The following MELK variants were observed in gnomAD, a reference collection of about 807,000 sequenced individuals.
MELK encodes the protein pEg3 kinase.
In MELK, 81 loss-of-function variants were observed where a neutral mutation model predicts 85.0. That is an observed-to-expected ratio of 0.95 (90% CI 0.80 to 1.15). MELK has a LOEUF of 1.15. MELK is among the 50% of genes most tolerant of loss of function. The pLI, the probability that MELK is intolerant of heterozygous loss-of-function variation, is 0.00. For missense variants in MELK, 754 were observed against 777.5 expected (o/e 0.97, Z 0.36); for synonymous variants, 252 against 265.0 (o/e 0.95, Z 0.48).
chr9:36,616,208 G>T (rs1247051948), intron 8 of MELK, among the ~76,000 whole-genome samples: 1 of 152,100 alleles, frequency 6.6e-6, no homozygotes, highest in Non-Finnish European at 1.5e-5. Context: ...GTATATACAG[G>T]TCTATGAATT....
intron 10 of MELK, 42 bp downstream of exon 10, chr9:36,633,242 T>C: frequency 2.1e-6 from 3 of 1,409,884 alleles, no homozygotes; most frequent in Non-Finnish European, 3.0e-6. Flanking sequence ...TTTGACTTTG[T>C]GTGGTCTTTG....
intron 8 of MELK, among the ~76,000 whole-genome samples, chr9:36,615,201 AC>A (rs1348157854): frequency 3.0e-4 from 31 of 104,916 alleles, no homozygotes; most frequent in African/African-American, 9.4e-4. Context: ...CGGGGGGCTG[AC>A]CCCCCCACCT....
chr9:36,589,700 A>G lies in MELK; in HGVS notation c.261+48A>G, dbSNP rs772509901. 3.2e-5 allele frequency: 42 copies of G among 1,330,698 alleles called. No individual in the cohort carries two copies. The South Asian group carries it at 4.7e-4, about 15-fold the overall frequency. 82.4% of individuals were successfully genotyped at this position (1,330,698 alleles called of 1,614,324 possible). ...CTGAAAACATTTGATCACTTTATCAATAGTAAAAGAGAAAAGTACATTTCA... is the reference window on the plus strand; with the variant it reads ...CTGAAAACATTTGATCACTTTATCAGTAGTAAAAGAGAAAAGTACATTTCA... On this transcript the variant is annotated intron_variant, in intron 4 of 17. Transcript: ENST00000298048.
chr9:36,655,056 A>C (rs773334316), intron 12 of MELK, among the ~76,000 whole-genome samples: 1 of 152,232 alleles, frequency 6.6e-6, no homozygotes, highest in Admixed American at 6.5e-5. Context: ...ACAGCAGTAC[A>C]GACTGATCCA....
At chr9:36,590,700 T>C (rs1368324682) in intron 4 of MELK, among the ~76,000 whole-genome samples, 2 of 152,230 alleles carry the variant, frequency 1.3e-5, no homozygotes, top group Non-Finnish European at 2.9e-5. Flanking sequence ...ATTCAACTTC[T>C]TTAGTTTTCG....
intron 10 of MELK, among the ~76,000 whole-genome samples, chr9:36,640,290 TAAAG>T (rs1354238007): frequency 6.6e-6 from 1 of 151,640 alleles, no homozygotes; most frequent in Non-Finnish European, 1.5e-5. Flanking sequence ...AGAGTAAAAA[TAAAG>T]AAAAAAAAGA....
chr9:36,629,033 A>T (rs1307798248), intron 8 of MELK, among the ~76,000 whole-genome samples: 1 of 151,286 alleles, frequency 6.6e-6, no homozygotes, highest in Non-Finnish European at 1.5e-5. Context: ...TGCCCAGCTA[A>T]TTTTTGTATT....
chr9:36,630,497 T>C (rs1200566915), intron 9 of MELK, 130 bp downstream of exon 9: 1 of 677,640 alleles, frequency 1.5e-6, no homozygotes, highest in South Asian at 1.9e-5. Context: ...GAAAATATCC[T>C]CTATTAGATC....
At chr9:36,589,438 T>A (rs553604871) in intron 3 of MELK, 98 bp from the exon 4 acceptor site, 5 of 954,162 alleles carry the variant, frequency 5.2e-6, no homozygotes, top group Admixed American at 1.8e-5. Context: ...TGAGCCACCG[T>A]GCCCGGCCAG....
intron 13 of MELK, among the ~76,000 whole-genome samples, chr9:36,664,650 T>G (rs909357861): frequency 1.3e-5 from 2 of 152,236 alleles, no homozygotes; most frequent in Admixed American, 1.3e-4. Context: ...CTATTCCCTT[T>G]GAAGAGCAGA....
chr9:36,580,041 T>C (rs58113416), intron 1 of MELK, among the ~76,000 whole-genome samples: 25 of 125,946 alleles, frequency 2.0e-4, no homozygotes, highest in African/African-American at 6.0e-4. Flanking sequence ...ATGTCTTCTT[T>C]TTTTTTTTTT....
intron 10 of MELK, among the ~76,000 whole-genome samples, chr9:36,634,945 CAAAAGA>C (rs563574877): frequency 5.3e-5 from 8 of 151,766 alleles, no homozygotes; most frequent in African/African-American, 9.7e-5. Context: ...GACTCCATCT[CAAAAGA>C]AAAAGAAAAA....
chr9:36,641,737 A>C (rs1231280379), intron 10 of MELK, among the ~76,000 whole-genome samples: 2 of 150,754 alleles, frequency 1.3e-5, no homozygotes, highest in African/African-American at 4.9e-5. Flanking sequence ...CCTCCTGAGT[A>C]GCTGGGATTA....
At chr9:36,612,842 AT>A (rs1002124428) in intron 8 of MELK, among the ~76,000 whole-genome samples, 1 of 152,088 alleles carries the variant, frequency 6.6e-6, no homozygotes, top group African/African-American at 2.4e-5. Flanking sequence ...GAGCTTGACA[AT>A]TTTTTTGTGG....
rs901093451 is a variant in MELK, at chr9:36,592,314, G to A, written c.262-2314G>A. ...CCCAGCCTCCTGAGTAGCTGGGATT[G>A]TAGGCACGTGCCATCACCCCCGGTT... is the stretch of plus-strand genomic sequence containing the variant. On this transcript the variant is annotated intron_variant, in intron 4 of 17. Transcript: ENST00000298048. Among the ~76,000 whole-genome samples the A allele has an allele frequency of 7.3e-5, 11 of 151,334 alleles. No individual in the cohort carries two copies. In the East Asian group the frequency reaches 2.1e-3, roughly 30 times the overall value.
At chr9:36,637,831 C>T (rs1460079166) in intron 10 of MELK, among the ~76,000 whole-genome samples, 2 of 152,246 alleles carry the variant, frequency 1.3e-5, no homozygotes, top group African/African-American at 4.8e-5. Flanking sequence ...ACTCCTGATT[C>T]TCCTATGACT....
chr9:36,626,347 A>G (rs1252654995), intron 8 of MELK, among the ~76,000 whole-genome samples: 1 of 152,148 alleles, frequency 6.6e-6, no homozygotes, highest in African/African-American at 2.4e-5. Flanking sequence ...AACCTTTATG[A>G]TTTAGCAGGA....
intron 10 of MELK, among the ~76,000 whole-genome samples, chr9:36,635,883 G>A (rs537817671): frequency 2.2e-4 from 33 of 146,968 alleles, no homozygotes; most frequent in East Asian, 8.2e-4. Flanking sequence ...CACAACCTCC[G>A]CCTCCTGGGT....
At chr9:36,658,851 G>A (rs1426640513) in intron 13 of MELK, among the ~76,000 whole-genome samples, 2 of 150,448 alleles carry the variant, frequency 1.3e-5, no homozygotes, top group African/African-American at 2.4e-5. Context: ...ACAGGCACCC[G>A]CCATCATGCC....
Sources: allele counts gnomAD v4.1 joint callset (sites outside exome capture counted in the v4.1 genomes callset), GRCh38; gene constraint gnomAD v4.1.1; transcripts MANE v1.5; gene names NCBI Gene and HGNC (gene_info 2026-07-23, HGNC 2026-07-21).